Variants in WTAP observed in about 807,000 individuals in gnomAD.
WTAP encodes the protein WT1 associated protein, also known as pre-mRNA-splicing regulator WTAP.
Under a neutral mutation model 50.0 loss-of-function variants are expected in WTAP, and 8 were observed. That is an observed-to-expected ratio of 0.16 (90% confidence interval 0.09 to 0.29). WTAP has a LOEUF of 0.29. Among genes scored for constraint, WTAP ranks in the 10% least tolerant of loss-of-function variants. The pLI is 1.00. For missense variants in WTAP, 295 were observed against 470.7 expected (o/e 0.63, Z 3.45); for synonymous variants, 194 against 169.0 (o/e 1.15, Z -1.15).
At chr6:159,732,886 AGTGTGTGTGTGTG>A (rs1269467694) in intron 1 of WTAP, among the ~76,000 whole-genome samples, 22 of 146,486 alleles carry the variant, frequency 1.5e-4, no homozygotes, top group South Asian at 6.5e-4. Context: ...ATATATATAT[AGTGTGTGTGTGTG>A]TGTGTGTGTG....
At chr6:159,734,470 A>G (rs1258461241) in intron 1 of WTAP, among the ~76,000 whole-genome samples, 4 of 152,152 alleles carry the variant, frequency 2.6e-5, no homozygotes, top group African/African-American at 9.7e-5. Flanking sequence ...ATTAAAATAA[A>G]CCATAAACAC....
chr6:159,753,294 A>C, intron 6 of WTAP, 166 bp from the exon 7 acceptor site: 1 of 1,019,610 alleles, frequency 9.8e-7, no homozygotes, highest in Non-Finnish European at 1.4e-6. Flanking sequence ...CAAAATACTG[A>C]AATGCAGAAG....
At position 159,755,255 on chromosome 6, in the gene WTAP, A is replaced by C. The variant is rs1779958800; in HGVS notation, c.835A>C (p.Asn279His). The change falls in exon 8 of 8, where the codon AAT becomes CAT. Residue 279 changes from asparagine (N) to histidine (H), a missense_variant. Transcript: ENST00000621533. ...CAGTCGTCTGACAAACGGACCAAGT[A>C]ATGGTAGCTCCTCCCGCCAGAGGAC... The part of the protein sequence containing the change: ...DCSRLTNGPS[N>H]GSSSRQRTSG... 6.2e-7 allele frequency: 1 copy of C among 1,614,214 alleles called. No individual in the cohort carries two copies. Among genetic ancestry groups the C allele is most frequent in the Non-Finnish European group, 8.5e-7 (1 of 1,180,036 alleles).
intron 6 of WTAP, 169 bp from the exon 7 acceptor site, chr6:159,753,291 C>A: frequency 1.0e-6 from 1 of 994,170 alleles, no homozygotes; most frequent in Non-Finnish European, 1.4e-6. Context: ...TGGCAAAATA[C>A]TGAAATGCAG....
intron 6 of WTAP, among the ~76,000 whole-genome samples, chr6:159,752,295 G>A (rs915695677): frequency 1.4e-4 from 21 of 152,106 alleles, no homozygotes; most frequent in African/African-American, 5.1e-4. Flanking sequence ...CTTTATCCAA[G>A]TCTCAAAGGT....
intron 7 of WTAP, 52 bp from the exon 8 acceptor site, chr6:159,754,975 AT>A: frequency 6.7e-7 from 1 of 1,489,194 alleles, no homozygotes; most frequent in African/African-American, 1.4e-5. Flanking sequence ...CTAAAGAAAC[AT>A]TTTTCAATGT....
chr6:159,748,843 A>G lies in WTAP; in HGVS notation c.452+474A>G. ...ATATGCATCGCTCTTAACCTTGAGCATAGTGACTTAGAGACACTGTGTATC... is the reference window on the plus strand; with the variant it reads ...ATATGCATCGCTCTTAACCTTGAGCGTAGTGACTTAGAGACACTGTGTATC... On this transcript the variant is annotated intron_variant, in intron 6 of 7. Coordinates refer to ENST00000621533, the MANE Select transcript of WTAP (RefSeq NM_001270531.2). The surrounding 1 kb of genome is among the most constrained non-coding windows in gnomAD (Gnocchi z 5.6). 1 of 1,220,382 alleles carries G rather than the reference A, an allele frequency of 8.2e-7. No individual in the cohort carries two copies. 75.6% of individuals were successfully genotyped at this position (1,220,382 alleles called of 1,614,324 possible). A position where few individuals can be genotyped will look rare whatever the true frequency, so the allele number is the denominator to read the frequency against.
chr6:159,755,201 G>C lies in WTAP; in HGVS notation c.781G>C (p.Glu261Gln). 6.2e-7 allele frequency: 1 copy of C among 1,614,182 alleles called. No individual in the cohort carries two copies. The highest frequency in any genetic ancestry group is 8.5e-7 in the Non-Finnish European group (1 of 1,180,016). Reference sequence around the variant, plus strand: ...CAGGACTACAGCTTCTGAACCTGTAGAACAGTCAGAGGCCACAAGTAAAGA... The same window carrying C: ...CAGGACTACAGCTTCTGAACCTGTACAACAGTCAGAGGCCACAAGTAAAGA... ...TSRTTASEPVEQSEATSKDCS... is the reference protein window; with the variant it reads ...TSRTTASEPVQQSEATSKDCS... The change falls in exon 8 of 8, where the codon GAA (glutamate) becomes CAA (glutamine). Residue 261 changes from glutamate to glutamine, a missense_variant. Physicochemically the swap from Glu to Gln is conservative, Grantham distance 29. Transcript: ENST00000621533.
At chr6:159,741,205 C>T (rs1489267946) in intron 3 of WTAP, among the ~76,000 whole-genome samples, 1 of 152,090 alleles carries the variant, frequency 6.6e-6, no homozygotes, top group Non-Finnish European at 1.5e-5. Flanking sequence ...CTAAGAGGAC[C>T]TAGCAGTGTA....
rs554828729 is a variant in WTAP, at chr6:159,729,040, G to A, written c.-9+1337G>A. Among the ~76,000 whole-genome samples, 10 of 152,256 alleles carry A rather than the reference G, an allele frequency of 6.6e-5. No homozygotes were observed. In the South Asian group the frequency reaches 2.1e-3, roughly 32 times the overall value. ...TCATGTTTGCTGAAAATATTTTTGT[G>A]TATTGTTTGTCAGAAATAAGCTGGT... On this transcript the variant is annotated intron_variant, in intron 1 of 7. Coordinates refer to ENST00000621533, the MANE Select transcript of WTAP (RefSeq NM_001270531.2).
At chr6:159,739,869 A>C (rs946063143) in intron 3 of WTAP, among the ~76,000 whole-genome samples, 3 of 121,230 alleles carry the variant, frequency 2.5e-5, no homozygotes, top group Non-Finnish European at 3.3e-5. Context: ...CCATAATCTC[A>C]TACATAGGAC....
chr6:159,727,289 G>C (rs1375221149), upstream of WTAP: 1 of 1,281,408 alleles, frequency 7.8e-7, no homozygotes, highest in Non-Finnish European at 1.0e-6. Flanking sequence ...GCGGGGTTCG[G>C]CGGCGGGCGA....
intron 1 of WTAP, among the ~76,000 whole-genome samples, chr6:159,728,178 G>A (rs528338381): frequency 1.3e-5 from 2 of 152,360 alleles, no homozygotes; most frequent in Admixed American, 6.5e-5. Context: ...ATTTTTAAAT[G>A]AGTATAAGCA....
intron 7 of WTAP, 86 bp from the exon 8 acceptor site, chr6:159,754,942 A>G: frequency 7.5e-7 from 1 of 1,336,848 alleles, no homozygotes; most frequent in Non-Finnish European, 1.0e-6. Context: ...GCGTTTATTG[A>G]CTCCCTTGCT....
chr6:159,745,867 T>A (rs542720355), intron 5 of WTAP, among the ~76,000 whole-genome samples: 1 of 152,102 alleles, frequency 6.6e-6, no homozygotes, highest in Admixed American at 6.6e-5. Flanking sequence ...AATAGGTGTT[T>A]TGGAGGCACA....
upstream of WTAP, chr6:159,726,914 G>A (rs1778197667): frequency 2.3e-6 from 3 of 1,288,948 alleles, no homozygotes; most frequent in Non-Finnish European, 3.0e-6. Flanking sequence ...CTCTTGAGGT[G>A]GCACCTGGTC....
chr6:159,733,265 A>G (rs1433907779), intron 1 of WTAP, among the ~76,000 whole-genome samples: 3 of 152,342 alleles, frequency 2.0e-5, no homozygotes, highest in South Asian at 2.1e-4. Context: ...ACTGTATACA[A>G]TTAGCTCAGA....
Position 159,755,642 on chromosome 6 carries a change from A to G in WTAP, c.*31A>G. ...TTTCAGCAAATTTTTATACAGTGTC[A>G]TTTAATTTGGGAGAGGATACTGTCC... On this transcript the variant is annotated 3_prime_UTR_variant, in exon 8 of 8. Coordinates refer to ENST00000621533, the MANE Select transcript of WTAP (RefSeq NM_001270531.2). 6.5e-7 allele frequency: 1 copy of G among 1,540,512 alleles called. No homozygotes were observed. Among genetic ancestry groups the G allele is most frequent in the African/African-American group, 1.4e-5 (1 of 72,796 alleles).
rs1779970999 is a variant in WTAP at position 159,755,546 on chromosome 6, G to C, written c.1126G>C (p.Val376Leu). Reference sequence around the variant, plus strand: ...AGTGAGTGGGAAAGGTAATCGAACTGTGGGTTCCCGCCACGTTCAGAATGG... The same window carrying C: ...AGTGAGTGGGAAAGGTAATCGAACTCTGGGTTCCCGCCACGTTCAGAATGG... ...KAVSGKGNRT[V>L]GSRHVQNGLD... is the part of the protein sequence containing the mutation. Residue 376 changes from valine (V) to leucine (L), a missense_variant, in exon 8 of 8, where the codon GTG becomes CTG. Physicochemically the swap from Val to Leu is conservative, Grantham distance 32. Around this residue, in one of 2 missense-constraint regions of WTAP, gnomAD observed 175 missense variants for 183.1 expected, o/e 0.96. Transcript: ENST00000621533. 6.2e-7 allele frequency: 1 copy of C among 1,614,036 alleles called. No homozygotes were observed. Among genetic ancestry groups the C allele is most frequent in the African/African-American group, 1.3e-5 (1 of 74,904 alleles).
Sources: gnomAD v4.1 joint callset for allele counts (sites outside exome capture counted in the v4.1 genomes callset) on GRCh38, gnomAD v4.1.1 for gene constraint, gnomAD v4.1.1 regional missense constraint, Gnocchi (gnomAD v3.1) non-coding constraint, MANE v1.5 for transcripts, NCBI Gene and HGNC (gene_info 2026-07-23, HGNC 2026-07-21) for gene names.